The following SOX5 variants were observed in gnomAD, a reference collection of about 807,000 sequenced individuals.
SOX5 encodes transcription factor SOX-5.
Under a neutral mutation model 92.0 loss-of-function variants are expected in SOX5, and 9 were observed. The ratio of observed to expected loss-of-function variants is 0.10; its 90% confidence interval spans 0.06 to 0.17. SOX5 has a LOEUF of 0.17. SOX5 is among the 10% of genes least tolerant of loss of function. The probability of loss-of-function intolerance (pLI) is 1.00; values close to 1 mark genes in which losing one functional copy is unlikely to be tolerated. For synonymous variants in SOX5, 344 were observed against 336.3 expected, an observed-to-expected ratio of 1.02 and a Z score of -0.25; for missense variants, 642 against 944.5, an observed-to-expected ratio of 0.68 and a Z score of 4.20.
At chr12:24,464,131 G>A (rs1466534522) in intron 1 of SOX5, among the ~76,000 whole-genome samples, 4 of 152,104 alleles carry the variant, frequency 2.6e-5, no homozygotes, top group African/African-American at 4.8e-5. Context: ...CTGTACCCTG[G>A]GAAATAATGG....
At chr12:23,952,123 C>T (rs1157252650), upstream of SOX5, among the ~76,000 whole-genome samples, 1 of 151,938 alleles carries the variant, frequency 6.6e-6, no homozygotes. Context: ...AAAAATCTTG[C>T]TTATCTTATA....
intron 12 of SOX5, among the ~76,000 whole-genome samples, chr12:23,544,006 A>G (rs751237679): frequency 1.3e-5 from 2 of 152,352 alleles, no homozygotes; most frequent in Non-Finnish European, 2.9e-5. Context: ...CTGCCCCCCA[A>G]AATATATGTA....
chr12:23,587,067 C>A (rs1240335513), intron 9 of SOX5, among the ~76,000 whole-genome samples: 4 of 151,762 alleles, frequency 2.6e-5, no homozygotes, highest in Admixed American at 1.3e-4. Flanking sequence ...ATTTGTTACA[C>A]AAACATTTTG....
At chr12:23,570,910 CAAAA>C (rs148593886) in intron 10 of SOX5, among the ~76,000 whole-genome samples, 326 of 8,058 alleles carry the variant, frequency 0.04, 4 homozygotes, top group Non-Finnish European at 0.061. Flanking sequence ...GACTCCAACT[CAAAA>C]AAAAAAAAAA....
At chr12:24,310,154 T>C (rs1430018338) in intron 2 of SOX5, among the ~76,000 whole-genome samples, 1 of 152,212 alleles carries the variant, frequency 6.6e-6, no homozygotes, top group Non-Finnish European at 1.5e-5. Flanking sequence ...TTTAATTTAC[T>C]AAATGTATTT....
At chr12:23,978,845 C>CT (rs1949202381) in intron 4 of SOX5, among the ~76,000 whole-genome samples, 1 of 152,116 alleles carries the variant, frequency 6.6e-6, no homozygotes, top group Non-Finnish European at 1.5e-5. Flanking sequence ...GATTCATCAC[C>CT]TTTAGACACT....
intron 1 of SOX5, among the ~76,000 whole-genome samples, chr12:24,369,324 TCA>T (rs1386461115): frequency 1.3e-5 from 2 of 152,172 alleles, no homozygotes; most frequent in Non-Finnish European, 2.9e-5. Context: ...CCAAGCAGTA[TCA>T]GTTTTGCCTC....
At chr12:23,698,492 T>C (rs1240322652) in intron 6 of SOX5, among the ~76,000 whole-genome samples, 1 of 152,198 alleles carries the variant, frequency 6.6e-6, no homozygotes, top group Admixed American at 6.5e-5. Flanking sequence ...TCTGATATTG[T>C]ACATTTTACC....
At chr12:24,278,247 G>A (rs1298215548) in intron 2 of SOX5, among the ~76,000 whole-genome samples, 1 of 152,146 alleles carries the variant, frequency 6.6e-6, no homozygotes, top group Non-Finnish European at 1.5e-5. Context: ...TCTTCCTGGA[G>A]CATGCCTCGT....
chr12:23,823,604 C>G (rs1047604488), intron 3 of SOX5, among the ~76,000 whole-genome samples: 1 of 152,146 alleles, frequency 6.6e-6, no homozygotes, highest in African/African-American at 2.4e-5. Context: ...TGGGGTTGCT[C>G]TTCTAGAGCA....
At chr12:23,581,810 A>T (rs539757576) in intron 9 of SOX5, among the ~76,000 whole-genome samples, 2 of 151,994 alleles carry the variant, frequency 1.3e-5, no homozygotes, top group East Asian at 3.9e-4. Flanking sequence ...AACTCCTTTG[A>T]GAACAGTTTG....
At chr12:23,914,353 T>A in intron 1 of SOX5, among the ~76,000 whole-genome samples, 1 of 152,164 alleles carries the variant, frequency 6.6e-6, no homozygotes, top group East Asian at 1.9e-4. Flanking sequence ...CCAGTTATAA[T>A]AGTAGTTGGA....
At chr12:23,739,109 A>G (rs1180964176) in intron 5 of SOX5, among the ~76,000 whole-genome samples, 1 of 152,166 alleles carries the variant, frequency 6.6e-6, no homozygotes, top group Non-Finnish European at 1.5e-5. Context: ...TTACACTTTG[A>G]AAGATGTTTA....
intron 6 of SOX5, among the ~76,000 whole-genome samples, chr12:23,726,541 C>T (rs560901821): frequency 6.6e-6 from 1 of 152,272 alleles, no homozygotes; most frequent in African/African-American, 2.4e-5. Flanking sequence ...CTTCGGCCAA[C>T]ATTCCCAAAT....
At chr12:23,869,514 C>A (rs1437679383) in intron 2 of SOX5, among the ~76,000 whole-genome samples, 4 of 152,080 alleles carry the variant, frequency 2.6e-5, no homozygotes, top group African/African-American at 9.7e-5. Flanking sequence ...GCCTACCGCC[C>A]TACTTCTGAA....
rs146664141 is a variant in SOX5, at chr12:23,833,628, C to A, written c.481+12355G>T. 2.1e-3 allele frequency among the ~76,000 whole-genome samples: 326 copies of A among 151,974 alleles called. 2 individuals carry two copies. The highest frequency in any genetic ancestry group is 7.5e-3 in the African/African-American group (312 of 41,494). ...GTTTTCACTTGTATAAAAATCACTT[C>A]ATGTGTGTATTTCAATTTTATATCT... On this transcript the variant is annotated intron_variant, in intron 3 of 14. Coordinates refer to ENST00000451604, the MANE Select transcript of SOX5 (RefSeq NM_006940.6).
rs181011107 is a variant in SOX5, at chr12:23,860,109, C to T, written c.271-13916G>A. Reference sequence around the variant, plus strand: ...AAGCTAAATGATAAGAACTTATGAACACAGAGAAAGAAACAACAGACACTG... The same window carrying T: ...AAGCTAAATGATAAGAACTTATGAATACAGAGAAAGAAACAACAGACACTG... On this transcript the variant is annotated intron_variant, in intron 2 of 14. Coordinates refer to ENST00000451604, the MANE Select transcript of SOX5 (RefSeq NM_006940.6). Among the ~76,000 whole-genome samples the T allele has an allele frequency of 2.3e-3, 343 of 151,996 alleles. 2 individuals carry two copies. Among genetic ancestry groups the T allele is most frequent in the Non-Finnish European group, 3.5e-3 (236 of 67,956 alleles).
chr12:24,286,316 C>T (rs919186798), intron 2 of SOX5, among the ~76,000 whole-genome samples: 1 of 152,062 alleles, frequency 6.6e-6, no homozygotes, highest in Non-Finnish European at 1.5e-5. Context: ...ATATGGAACT[C>T]GACAGTCAGA....
At chr12:24,401,708 T>TAAAAAAAAAAAAAA (rs71063321) in intron 1 of SOX5, among the ~76,000 whole-genome samples, 2 of 99,454 alleles carry the variant, frequency 2.0e-5, no homozygotes, top group African/African-American at 7.9e-5. Context: ...ACCCTATCTT[T>TAAAAAAAAAAAAAA]AAAAAAAAAA....
Sources: gnomAD v4.1 joint callset for allele counts (sites outside exome capture counted in the v4.1 genomes callset) on GRCh38, gnomAD v4.1.1 for gene constraint, MANE v1.5 for transcripts, NCBI Gene and HGNC (gene_info 2026-07-23, HGNC 2026-07-21) for gene names.